The following MBD5 variants were observed in gnomAD, a reference collection of about 807,000 sequenced individuals.
MBD5 encodes methyl-CpG-binding domain protein 5.
A neutral mutation model predicts 117.3 loss-of-function variants in MBD5; 13 were observed. That is an observed-to-expected ratio of 0.11 (90% CI 0.07 to 0.18). MBD5 has a LOEUF of 0.18. Among genes scored for constraint, MBD5 ranks in the 10% least tolerant of loss-of-function variants. The pLI is 1.00. For synonymous variants in MBD5, 727 were observed against 766.4 expected (o/e 0.95, Z 0.85); for missense variants, 1,879 against 2,093.8 (o/e 0.90, Z 2.00).
intron 4 of MBD5, among the ~76,000 whole-genome samples, chr2:148,366,301 A>AAACTATTGATAGTTCATTGATGG (rs142509539): frequency 6.6e-6 from 1 of 151,252 alleles, no homozygotes; most frequent in Non-Finnish European, 1.5e-5. Flanking sequence ...AACTATCAAT[A>AAACTATTGATAGTTCATTGATGG]AACTAGGTAT....
chr2:148,355,359 C>T (rs901759394), intron 4 of MBD5, among the ~76,000 whole-genome samples: 2 of 151,102 alleles, frequency 1.3e-5, no homozygotes, highest in Non-Finnish European at 2.9e-5. Context: ...TTTGTCCCTG[C>T]CTATATCCTG....
intron 4 of MBD5, among the ~76,000 whole-genome samples, chr2:148,422,963 C>A (rs1346090510): frequency 6.6e-6 from 1 of 152,074 alleles, no homozygotes; most frequent in Admixed American, 6.6e-5. Context: ...GATTAGCATA[C>A]CTGAAAGTGA....
In MBD5 at chr2:148,394,997, T is replaced by C; in HGVS notation, c.-557+52661T>C. ...CCTATCTCCTCCATGGCTTTGTTTT[T>C]AGTCTTTGTCTCAGTGTTGGAGCTC... On this transcript the variant is annotated intron_variant, in intron 4 of 13. Transcript: ENST00000642680. 1.3e-5 allele frequency among the ~76,000 whole-genome samples: 2 copies of C among 152,182 alleles called. 1 individual carries two copies. The highest frequency in any genetic ancestry group is 3.8e-4 in the East Asian group (2 of 5,196).
At chr2:148,399,677 C>A (rs1574382649) in intron 4 of MBD5, among the ~76,000 whole-genome samples, 1 of 152,080 alleles carries the variant, frequency 6.6e-6, no homozygotes, top group East Asian at 1.9e-4. Flanking sequence ...CTGGCCAGAA[C>A]TTCCAACACT....
chr2:148,487,773 A>C (rs1681386403), intron 10 of MBD5, among the ~76,000 whole-genome samples: 1 of 152,178 alleles, frequency 6.6e-6, no homozygotes, highest in African/African-American at 2.4e-5. Context: ...ATGAGATGAT[A>C]GGCTAATTTG....
intron 4 of MBD5, among the ~76,000 whole-genome samples, chr2:148,438,692 A>C (rs1182553240): frequency 2.6e-5 from 4 of 152,190 alleles, no homozygotes; most frequent in Non-Finnish European, 2.9e-5. Flanking sequence ...ATTGCAGGCC[A>C]TCTGCAAGCT....
At chr2:148,448,606 G>C (rs948358857) in intron 4 of MBD5, among the ~76,000 whole-genome samples, 2 of 151,676 alleles carry the variant, frequency 1.3e-5, no homozygotes, top group Non-Finnish European at 2.9e-5. Flanking sequence ...GTAGGAACTT[G>C]GCAGCCATTG....
chr2:148,419,254 T>G (rs1219220267), intron 4 of MBD5, among the ~76,000 whole-genome samples: 1 of 152,130 alleles, frequency 6.6e-6, no homozygotes, highest in Non-Finnish European at 1.5e-5. Flanking sequence ...GACTTAAACC[T>G]AAGACCTGAT....
rs1704709394 is a variant in MBD5 at position 148,396,205 on chromosome 2, A to G, written c.-557+53869A>G. Reference sequence around the variant, plus strand: ...ATCTTCCAGTTGTCATATCCAGTGGATACAGAGGCAGTCAACTGTGTTGGA... The same window carrying G: ...ATCTTCCAGTTGTCATATCCAGTGGGTACAGAGGCAGTCAACTGTGTTGGA... On this transcript the variant is annotated intron_variant, in intron 4 of 13. Transcript: ENST00000642680. Among the ~76,000 whole-genome samples, 3 of 152,130 alleles carry G rather than the reference A, an allele frequency of 2.0e-5. No homozygotes were observed. In the South Asian group the frequency reaches 6.2e-4, roughly 31 times the overall value.
At chr2:148,137,805 CACTT>C (rs1391665214) in intron 1 of MBD5, among the ~76,000 whole-genome samples, 2 of 152,164 alleles carry the variant, frequency 1.3e-5, no homozygotes, top group African/African-American at 4.8e-5. Context: ...GATATGCAAA[CACTT>C]ACCATTGTGT....
chr2:148,107,782 C>A (rs893402419), intron 1 of MBD5, among the ~76,000 whole-genome samples: 2 of 151,898 alleles, frequency 1.3e-5, no homozygotes, highest in Non-Finnish European at 2.9e-5. Context: ...AGGATTGATT[C>A]TGTCACATAT....
chr2:148,463,893 T>C lies in MBD5; in HGVS notation c.371T>C (p.Val124Ala), dbSNP rs1365179855. Reference sequence around the variant, plus strand: ...ATGGAAGCCCCACATCCTTCTCTGGTGCTCACCAGTCCCGGAGGAGGAACA... The same window carrying C: ...ATGGAAGCCCCACATCCTTCTCTGGCGCTCACCAGTCCCGGAGGAGGAACA... ...KSMEAPHPSL[V>A]LTSPGGGTNA... Residue 124 changes from valine (V) to alanine (A), a missense_variant, in exon 7 of 14, where the codon GTG becomes GCG. Coordinates refer to ENST00000642680, the MANE Select transcript of MBD5 (RefSeq NM_001378120.1). The C allele has an allele frequency of 1.9e-6, 3 of 1,613,612 alleles. No homozygotes were observed. The highest frequency in any genetic ancestry group is 2.5e-6 in the Non-Finnish European group (3 of 1,179,674).
chr2:148,186,788 A>G (rs1395899647), intron 2 of MBD5, among the ~76,000 whole-genome samples: 2 of 152,066 alleles, frequency 1.3e-5, no homozygotes, highest in African/African-American at 4.8e-5. Flanking sequence ...ATGAAAAAGT[A>G]GGAAAATTAA....
chr2:148,395,426 C>CTTTT (rs397758785), intron 4 of MBD5, among the ~76,000 whole-genome samples: 4 of 123,972 alleles, frequency 3.2e-5, no homozygotes, highest in African/African-American at 3.0e-5. Flanking sequence ...CCCAACTCAT[C>CTTTT]TTTTTTTTTT....
chr2:148,075,204 C>A (rs1695477227), intron 1 of MBD5, among the ~76,000 whole-genome samples: 1 of 152,108 alleles, frequency 6.6e-6, no homozygotes, highest in Non-Finnish European at 1.5e-5. Context: ...CAGAGTGTGG[C>A]CAAAGATGAC....
In MBD5 at chr2:148,294,091, T is replaced by G. The variant is rs986935945; in HGVS notation, c.-679-48123T>G. ...CTTGAAGAAGTTTCTTTAGTACTTC[T>G]TGTCATGTAGGTAGATGTGTTATCA... On this transcript the variant is annotated intron_variant, in intron 3 of 13. Transcript: ENST00000642680. 9.2e-5 allele frequency among the ~76,000 whole-genome samples: 14 copies of G among 152,322 alleles called. No individual in the cohort carries two copies. The South Asian group carries it at 2.7e-3, about 29-fold the overall frequency.
rs1056702331 is a variant in MBD5 at position 148,513,852 on chromosome 2, G to A, written c.*911G>A. 2.0e-5 allele frequency: 3 copies of A among 152,144 alleles called. No homozygotes were observed. Among genetic ancestry groups the A allele is most frequent in the African/African-American group, 2.4e-5 (1 of 41,424 alleles). 9.4% of individuals were successfully genotyped at this position (152,144 alleles called of 1,614,324 possible). ...GATAGCTTATACTGACTGCACCACC[G>A]CTGGTGCTCAGAATTGAGGGTTTTT... On this transcript the variant is annotated 3_prime_UTR_variant, in exon 14 of 14. Transcript: ENST00000642680.
intron 13 of MBD5, among the ~76,000 whole-genome samples, chr2:148,511,206 AG>A (rs1323889657): frequency 2.0e-5 from 3 of 152,218 alleles, no homozygotes; most frequent in Non-Finnish European, 4.4e-5. Flanking sequence ...GAGCGTGCTA[AG>A]AATACTGCCA....
At chr2:148,204,713 C>A (rs1574134003) in intron 2 of MBD5, among the ~76,000 whole-genome samples, 3 of 152,116 alleles carry the variant, frequency 2.0e-5, no homozygotes. Context: ...TTAAATTTAG[C>A]CCAAATGTCT....
Sources: gnomAD v4.1 joint callset for allele counts (sites outside exome capture counted in the v4.1 genomes callset) on GRCh38, gnomAD v4.1.1 for gene constraint, MANE v1.5 for transcripts, NCBI Gene and HGNC (gene_info 2026-07-23, HGNC 2026-07-21) for gene names.